SLFN11: variants seen among roughly 807,000 people sequenced by gnomAD.
SLFN11 encodes schlafen family member 11.
Under a neutral mutation model 53.4 loss-of-function variants are expected in SLFN11, and 43 were observed. The observed-to-expected ratio is 0.80, with a 90% CI of 0.63 to 1.04. SLFN11 has a LOEUF of 1.04. Among genes scored for constraint, SLFN11 ranks in the 50% least tolerant of loss-of-function variants. SLFN11 has a pLI of 0.00. For synonymous variants in SLFN11, 389 were observed against 394.7 expected, an observed-to-expected ratio of 0.99 and a Z score of 0.17; for missense variants, 990 against 1,079.1, an observed-to-expected ratio of 0.92 and a Z score of 1.16.
In SLFN11 at chr17:35,362,778, T is replaced by C. The variant is rs1391802098; in HGVS notation, c.1030A>G (p.Thr344Ala). The change falls in exon 4 of 7, where the codon ACC (threonine) becomes GCC (alanine). Residue 344 changes from threonine (T) to alanine (A), a missense_variant. Physicochemically the swap from Thr to Ala is moderately conservative, Grantham distance 58 (BLOSUM62 0). Coordinates refer to ENST00000685675, the MANE Select transcript of SLFN11 (RefSeq NM_001376007.1). ...VEDKYVCSLT[T>A]EKWVGMMTDT... ...GTCATCATGCCTACCCATTTCTCGG[T>C]TGTCAGGCTGCAGACGTACTTGTCC... The C allele has an allele frequency of 1.3e-6, 2 of 1,593,694 alleles. No individual in the cohort carries two copies. Among genetic ancestry groups the C allele is most frequent in the East Asian group, 2.2e-5 (1 of 44,706 alleles).
Position 35,363,214 on chromosome 17 carries a change from A to G in SLFN11, c.594T>C (p.Tyr198=). 1.2e-6 allele frequency: 2 copies of G among 1,614,052 alleles called. No homozygotes were observed. Among genetic ancestry groups the G allele is most frequent in the Non-Finnish European group, 8.5e-7 (1 of 1,180,006 alleles). ...DPADLIFQKD[Y]LEYGEILPFP... ...AAGGCAGGATTTCACCATATTCAAGATAGTCTTTTTGGAAAATTAGGTCAG... is the reference window on the plus strand; with the variant it reads ...AAGGCAGGATTTCACCATATTCAAGGTAGTCTTTTTGGAAAATTAGGTCAG... Residue 198 remains tyrosine (Y), a synonymous_variant, in exon 4 of 7, where the codon TAT becomes TAC. Transcript: ENST00000685675.
At position 35,352,062 on chromosome 17, in the gene SLFN11, GC is replaced by G; in HGVS notation, c.*293del. The G allele has an allele frequency of 2.9e-6, 1 of 349,002 alleles. No individual in the cohort carries two copies. Among genetic ancestry groups the G allele is most frequent in the East Asian group, 4.6e-5 (1 of 21,898 alleles). The allele number at this position is 349,002 out of a possible 1,614,324, so 21.6% of individuals were successfully genotyped here. A position where few individuals can be genotyped will look rare whatever the true frequency, so the allele number is the denominator to read the frequency against. Reference sequence around the variant, plus strand: ...ACAGGCTGAGTTTCTTATTTTTATGGCTTTTACCCAAAATGCAAGACACAGA... The same window carrying G: ...ACAGGCTGAGTTTCTTATTTTTATGGTTTTACCCAAAATGCAAGACACAGA... On this transcript the variant is annotated 3_prime_UTR_variant, in exon 7 of 7. Transcript: ENST00000685675.
At chr17:35,359,083 T>TA (rs1269385994) in intron 5 of SLFN11, among the ~76,000 whole-genome samples, 1 of 152,146 alleles carries the variant, frequency 6.6e-6, no homozygotes, top group East Asian at 1.9e-4. Flanking sequence ...GTAAATAGTG[T>TA]AAAAAATGCC....
intron 5 of SLFN11, among the ~76,000 whole-genome samples, chr17:35,355,609 T>C (rs1291913374): frequency 1.3e-5 from 2 of 152,144 alleles, no homozygotes; most frequent in Non-Finnish European, 2.9e-5. Context: ...ATAGGTCTTC[T>C]TTTTCTTTAA....
chr17:35,362,750 T>C lies in SLFN11; in HGVS notation c.1058A>G (p.Asp353Gly), dbSNP rs753268608. Residue 353 changes from aspartate (D) to glycine (G), a missense_variant, in exon 4 of 7, where the codon GAC becomes GGC. Transcript: ENST00000685675. ...TTTCTCCCTCTTACCTGGATCTGTG[T>C]CTGTCATCATGCCTACCCATTTCTC... ...TTEKWVGMMT[D>G]TDPDLLQLSE... The C allele has an allele frequency of 1.9e-6, 3 of 1,563,422 alleles. No homozygotes were observed. The highest frequency in any genetic ancestry group is 4.5e-5 in the East Asian group (2 of 44,354).
At chr17:35,354,874 AC>A (rs1398375283) in intron 5 of SLFN11, among the ~76,000 whole-genome samples, 3 of 152,034 alleles carry the variant, frequency 2.0e-5, no homozygotes, top group African/African-American at 7.2e-5. Flanking sequence ...AAATGAAATT[AC>A]CCAGATTTTA....
intron 5 of SLFN11, among the ~76,000 whole-genome samples, chr17:35,359,796 G>A (rs1458050951): frequency 6.6e-6 from 1 of 152,092 alleles, no homozygotes; most frequent in Non-Finnish European, 1.5e-5. Flanking sequence ...GCTGCTCTCT[G>A]GTGCAGCATA....
chr17:35,364,344 A>G (rs1004271202), intron 3 of SLFN11, among the ~76,000 whole-genome samples: 2 of 152,106 alleles, frequency 1.3e-5, no homozygotes, highest in African/African-American at 4.8e-5. Flanking sequence ...CCAAGGGCAT[A>G]TGGTATTAAG....
Position 35,352,730 on chromosome 17 carries a change from G to T in SLFN11, c.2332C>A (p.Arg778=), listed in dbSNP as rs199944678. The change falls in exon 7 of 7, where the codon CGA becomes AGA. Residue 778 remains arginine, a synonymous_variant. Coordinates refer to ENST00000685675, the MANE Select transcript of SLFN11 (RefSeq NM_001376007.1). The part of the protein sequence containing the change: ...EWSQGVQGTL[R]IKKYLTVEQI... ...TCCACAGTCAAGTATTTCTTAATTCGTAAGGTTCCCTGAACACCCTGGGAC... is the reference window on the plus strand; with the variant it reads ...TCCACAGTCAAGTATTTCTTAATTCTTAAGGTTCCCTGAACACCCTGGGAC... 1.4e-4 allele frequency: 230 copies of T among 1,614,028 alleles called. No individual in the cohort carries two copies. Among genetic ancestry groups the T allele is most frequent in the Non-Finnish European group, 1.9e-4 (225 of 1,180,032 alleles).
At position 35,360,265 on chromosome 17, in the gene SLFN11, T is replaced by G. The variant is rs1422771729; in HGVS notation, c.1176A>C (p.Glu392Asp). 12 of 1,609,494 alleles carry G rather than the reference T, an allele frequency of 7.5e-6. No homozygotes were observed. Among genetic ancestry groups the G allele is most frequent in the Non-Finnish European group, 1.0e-5 (12 of 1,178,632 alleles). Reference sequence around the variant, plus strand: ...TACCTGAAAATAAAAGTTGCTGGAGTTCCTTTTTATGTTCCAGGCCTTTCT... The same window carrying G: ...TACCTGAAAATAAAAGTTGCTGGAGGTCCTTTTTATGTTCCAGGCCTTTCT... Reference protein sequence around the residue: ...YSKKGLEHKKELQQLLFSVPP... With the variant: ...YSKKGLEHKKDLQQLLFSVPP... Residue 392 changes from glutamate (E) to aspartate (D), a missense_variant, in exon 5 of 7, where the codon GAA becomes GAC. By Grantham distance (45) the Glu-to-Asp change is conservative. This residue lies in a region of SLFN11 where 521 missense variants were observed against 516.2 expected (regional missense o/e 1.01). Transcript: ENST00000685675.
chr17:35,355,587 C>T (rs1054640425), intron 5 of SLFN11, among the ~76,000 whole-genome samples: 3 of 152,010 alleles, frequency 2.0e-5, no homozygotes, highest in Non-Finnish European at 4.4e-5. Flanking sequence ...TGTTTATTTA[C>T]CTTATCATTG....
chr17:35,362,591 T>G (rs916053305), intron 4 of SLFN11, 148 bp downstream of exon 4: 2 of 610,926 alleles, frequency 3.3e-6, no homozygotes, highest in South Asian at 9.3e-5. Context: ...AATTTTCTCA[T>G]GTATGAAAAG....
At chr17:35,362,702 A>G in intron 4 of SLFN11, 37 bp downstream of exon 4, 2 of 1,487,644 alleles carry the variant, frequency 1.3e-6, no homozygotes, top group Non-Finnish European at 1.8e-6. Context: ...CCAAGGATGT[A>G]GAAAGGACAG....
rs1597716903 is a variant in SLFN11 at position 35,362,834 on chromosome 17, A to G, written c.974T>C (p.Phe325Ser). ...TATCCATGAATTGGGAGCTTCTGAGAACACTGCACAGCAGAAGGGATTTAC... is the reference window on the plus strand; with the variant it reads ...TATCCATGAATTGGGAGCTTCTGAGGACACTGCACAGCAGAAGGGATTTAC... ...IRVNPFCCAV[F>S]SEAPNSWIVE... Residue 325 changes from phenylalanine (F) to serine (S), a missense_variant, in exon 4 of 7, where the codon TTC becomes TCC. Phe to Ser is a radical substitution (Grantham distance 155, BLOSUM62 -2). Coordinates refer to ENST00000685675, the MANE Select transcript of SLFN11 (RefSeq NM_001376007.1). The G allele has an allele frequency of 2.5e-6, 4 of 1,613,750 alleles. No homozygotes were observed. The highest frequency in any genetic ancestry group is 4.5e-5 in the East Asian group (2 of 44,880).
In SLFN11 at chr17:35,353,193, A is replaced by G. The variant is rs1344111423; in HGVS notation, c.1923-54T>C. 2.5e-6 allele frequency: 4 copies of G among 1,593,068 alleles called. No individual in the cohort carries two copies. The Admixed American group carries it at 7.0e-5, about 28-fold the overall frequency. On this transcript the variant is annotated intron_variant, in intron 6 of 6. Transcript: ENST00000685675. ...TTTTCTCTAAAAAAACAAGGGGAGA[A>G]AATAATTGTATCATGTTCCTCCGAG...
At chr17:35,364,836 A>G (rs766639225) in intron 3 of SLFN11, among the ~76,000 whole-genome samples, 59 of 152,266 alleles carry the variant, frequency 3.9e-4, no homozygotes, top group Admixed American at 6.5e-4. Context: ...CCATTTCACA[A>G]TGAGTCAACG....
Position 35,353,976 on chromosome 17 carries a change from T to G in SLFN11, c.1282A>C (p.Asn428His), listed in dbSNP as rs776538931. The G allele has an allele frequency of 3.7e-6, 6 of 1,613,950 alleles. No individual in the cohort carries two copies. In the East Asian group the frequency reaches 1.1e-4, roughly 30 times the overall value. The change falls in exon 6 of 7, where the codon AAT becomes CAT. Residue 428 changes from asparagine (N) to histidine (H), a missense_variant. Physicochemically the swap from Asn to His is moderately conservative, Grantham distance 68. Coordinates refer to ENST00000685675, the MANE Select transcript of SLFN11 (RefSeq NM_001376007.1). The stretch of plus-strand genomic sequence containing the variant: ...CGAAAGAAAGGTTGCATTTGCTTAT[T>G]TATTAACTCCTCTAGTCCTCTGTGC... ...SEHRGLEELI[N>H]KQMQPFFRGI...
At chr17:35,361,323 C>A (rs1597713937) in intron 4 of SLFN11, among the ~76,000 whole-genome samples, 1 of 152,098 alleles carries the variant, frequency 6.6e-6, no homozygotes, top group South Asian at 2.1e-4. Context: ...TGGCATAGAG[C>A]ATAATGGGTA....
chr17:35,365,273 T>G (rs867953446), intron 3 of SLFN11, among the ~76,000 whole-genome samples: 6 of 152,074 alleles, frequency 3.9e-5, no homozygotes, highest in South Asian at 4.1e-4. Flanking sequence ...ACAGAGGCAC[T>G]TGGTATAAAA....
Sources: allele counts gnomAD v4.1 joint callset (sites outside exome capture counted in the v4.1 genomes callset), GRCh38; gene constraint gnomAD v4.1.1; regional missense constraint gnomAD v4.1.1; transcripts MANE v1.5; gene names NCBI Gene and HGNC (gene_info 2026-07-23, HGNC 2026-07-21).